IMMP2L: variants seen among roughly 807,000 people sequenced by gnomAD.
IMMP2L encodes the protein inner mitochondrial membrane peptidase subunit 2, also known as mitochondrial inner membrane protease subunit 2.
A neutral mutation model predicts 19.3 loss-of-function variants in IMMP2L; 18 were observed. That is an observed-to-expected ratio of 0.93 (90% CI 0.64 to 1.38). The LOEUF (loss-of-function observed/expected upper bound fraction) is 1.38. Ranked by LOEUF, IMMP2L falls within the 40% of genes most tolerant of loss-of-function variation. The pLI is 0.00. For synonymous variants in IMMP2L, 76 were observed against 73.0 expected (o/e 1.04, Z -0.21); for missense variants, 233 against 218.2 (o/e 1.07, Z -0.43).
In IMMP2L at chr7:111,556,018, G is replaced by GTGTGTGTATATATATATATATATATA. The variant is rs777862357; in HGVS notation, c.-3+5832_-3+5833insTATATATATATATATATATACACACA. 8.7e-3 allele frequency among the ~76,000 whole-genome samples: 794 copies of GTGTGTGTATATATATATATATATATA among 91,230 alleles called. 33 individuals carry two copies. The highest frequency in any genetic ancestry group is 0.022 in the African/African-American group (609 of 27,532). 59.9% of individuals were successfully genotyped at this position (91,230 alleles called of 152,430 possible). A position where few individuals can be genotyped will look rare whatever the true frequency, so the allele number is the denominator to read the frequency against. On this transcript the variant is annotated intron_variant, in intron 1 of 5. Transcript: ENST00000405709. Reference sequence around the variant, plus strand: ...TTAGCCATCCCTCTTCTGTGTGCATGTATATATATATATATATACATACCC... The same window carrying GTGTGTGTATATATATATATATATATA: ...TTAGCCATCCCTCTTCTGTGTGCATGTGTGTGTATATATATATATATATATATATATATATATATATATACATACCC...
chr7:110,860,795 T>C (rs1192906254), intron 5 of IMMP2L, among the ~76,000 whole-genome samples: 1 of 152,066 alleles, frequency 6.6e-6, no homozygotes, highest in Non-Finnish European at 1.5e-5. Context: ...TAAAGCCATT[T>C]TGGAAAAAAG....
intron 5 of IMMP2L, among the ~76,000 whole-genome samples, chr7:110,777,595 A>G (rs1799477004): frequency 6.6e-6 from 1 of 152,010 alleles, no homozygotes; most frequent in Non-Finnish European, 1.5e-5. Context: ...TGGAGAATGA[A>G]CACTGCTTCT....
At chr7:111,048,332 C>G (rs1792654053) in intron 3 of IMMP2L, among the ~76,000 whole-genome samples, 1 of 149,960 alleles carries the variant, frequency 6.7e-6, no homozygotes, top group South Asian at 2.1e-4. Flanking sequence ...TTAATAAGTT[C>G]ACTTTCTTTC....
intron 1 of IMMP2L, among the ~76,000 whole-genome samples, chr7:111,525,520 G>T (rs1846755345): frequency 6.6e-6 from 1 of 152,048 alleles, no homozygotes; most frequent in South Asian, 2.1e-4. Flanking sequence ...ATGGATATAG[G>T]GAAACCACAT....
At chr7:110,858,483 T>C (rs1807037787) in intron 5 of IMMP2L, among the ~76,000 whole-genome samples, 1 of 152,098 alleles carries the variant, frequency 6.6e-6, no homozygotes, top group African/African-American at 2.4e-5. Flanking sequence ...CAGTTTACTA[T>C]CAATCTGGAC....
intron 3 of IMMP2L, among the ~76,000 whole-genome samples, chr7:111,312,252 CTG>C (rs1311418251): frequency 5.9e-5 from 9 of 152,134 alleles, no homozygotes; most frequent in African/African-American, 2.2e-4. Context: ...ATAGAGGAAA[CTG>C]GAGTTCAAGG....
intron 5 of IMMP2L, among the ~76,000 whole-genome samples, chr7:110,840,462 A>G (rs2131443592): frequency 6.6e-6 from 1 of 152,296 alleles, no homozygotes; most frequent in Non-Finnish European, 1.5e-5. Context: ...AATCTGGAAA[A>G]GGAAATACAT....
chr7:111,202,801 G>T (rs1376455521), intron 3 of IMMP2L, among the ~76,000 whole-genome samples: 1 of 152,146 alleles, frequency 6.6e-6, no homozygotes, highest in Non-Finnish European at 1.5e-5. Flanking sequence ...TAGAAACAGA[G>T]ATGAGTGTGA....
chr7:111,009,991 C>T (rs911589184), intron 3 of IMMP2L, among the ~76,000 whole-genome samples: 2 of 152,110 alleles, frequency 1.3e-5, no homozygotes, highest in Non-Finnish European at 2.9e-5. Context: ...AGTGTCCCTG[C>T]TACTAAACAA....
At chr7:111,184,234 G>T (rs182366808) in intron 3 of IMMP2L, among the ~76,000 whole-genome samples, 1 of 151,728 alleles carries the variant, frequency 6.6e-6, no homozygotes, top group Non-Finnish European at 1.5e-5. Context: ...AGAAATAGGG[G>T]GGAAAATAAT....
At chr7:111,021,207 A>C (rs1826241635) in intron 3 of IMMP2L, among the ~76,000 whole-genome samples, 1 of 152,234 alleles carries the variant, frequency 6.6e-6, no homozygotes, top group Non-Finnish European at 1.5e-5. Context: ...CTATTTCCTC[A>C]TGGCAGACAA....
intron 5 of IMMP2L, among the ~76,000 whole-genome samples, chr7:110,703,973 G>C (rs1794468751): frequency 6.6e-6 from 1 of 151,832 alleles, no homozygotes; most frequent in Non-Finnish European, 1.5e-5. Context: ...AGCCTCCCGA[G>C]TAGCTGGGAC....
chr7:111,252,462 A>G lies in IMMP2L; in HGVS notation c.239+234776T>C, dbSNP rs183010192. ...ATAAACAAGTACCCTAAATATTGTC[A>G]TAAGTATAATTTAAATAGCTGTCAT... On this transcript the variant is annotated intron_variant, in intron 3 of 5. Coordinates refer to ENST00000405709, the MANE Select transcript of IMMP2L (RefSeq NM_032549.4). Among the ~76,000 whole-genome samples the G allele has an allele frequency of 5.9e-4, 90 of 152,290 alleles. 1 individual carries two copies. Among genetic ancestry groups the G allele is most frequent in the African/African-American group, 1.5e-3 (64 of 41,568 alleles).
chr7:110,931,472 G>A (rs1244787301), intron 4 of IMMP2L, among the ~76,000 whole-genome samples: 1 of 152,004 alleles, frequency 6.6e-6, no homozygotes, highest in Non-Finnish European at 1.5e-5. Flanking sequence ...CAGTTGTTCA[G>A]ATTGAAATCC....
chr7:111,251,769 G>A (rs558116015), intron 3 of IMMP2L, among the ~76,000 whole-genome samples: 2 of 152,154 alleles, frequency 1.3e-5, no homozygotes, highest in South Asian at 2.1e-4. Flanking sequence ...GAGAGTATCA[G>A]AAGAATAGCT....
chr7:111,408,996 G>A (rs1834136834), intron 3 of IMMP2L, among the ~76,000 whole-genome samples: 1 of 151,530 alleles, frequency 6.6e-6, no homozygotes, highest in Non-Finnish European at 1.5e-5. Flanking sequence ...GAATAAAAAT[G>A]GTGATAAAAA....
intron 5 of IMMP2L, among the ~76,000 whole-genome samples, chr7:110,799,466 T>TAAA (rs1323203797): frequency 1.3e-5 from 2 of 152,054 alleles, no homozygotes; most frequent in Non-Finnish European, 2.9e-5. Flanking sequence ...AAGTTGTTTT[T>TAAA]AAAAGAAAGA....
At chr7:110,882,445 A>G (rs1347190092) in intron 5 of IMMP2L, among the ~76,000 whole-genome samples, 11 of 150,780 alleles carry the variant, frequency 7.3e-5, no homozygotes, top group Admixed American at 6.6e-4. Flanking sequence ...CAATGGTGCA[A>G]TCTCAGCTCA....
intron 4 of IMMP2L, among the ~76,000 whole-genome samples, chr7:110,939,964 G>A (rs961192442): frequency 1.3e-5 from 2 of 152,292 alleles, no homozygotes; most frequent in South Asian, 2.1e-4. Flanking sequence ...ACCATTGACT[G>A]AGAGAGTCTC....
Sources: allele counts gnomAD v4.1 joint callset (sites outside exome capture counted in the v4.1 genomes callset), GRCh38; gene constraint gnomAD v4.1.1; transcripts MANE v1.5; gene names NCBI Gene and HGNC (gene_info 2026-07-23, HGNC 2026-07-21).